The following INVS variants were observed in gnomAD, a reference collection of about 807,000 sequenced individuals.
The protein encoded by INVS is inversion of embryo turning homolog.
A neutral mutation model predicts 108.8 loss-of-function variants in INVS; 86 were observed. The ratio of observed to expected loss-of-function variants is 0.79; its 90% CI spans 0.66 to 0.95. INVS has a LOEUF of 0.95. Among genes scored for constraint, INVS ranks in the 40% least tolerant of loss-of-function variants. The probability of loss-of-function intolerance (pLI) is 0.00; values close to 1 mark genes in which losing one functional copy is unlikely to be tolerated. For synonymous variants in INVS, 455 were observed against 473.5 expected (o/e 0.96, Z 0.51); for missense variants, 1,169 against 1,297.4 (o/e 0.90, Z 1.52).
rs191015967 is a variant in INVS at position 100,133,750 on chromosome 9, A to G, written c.273+7201A>G. Among the ~76,000 whole-genome samples, 37 of 100,862 alleles carry G rather than the reference A, an allele frequency of 3.7e-4. No individual in the cohort carries two copies. In the East Asian group the frequency reaches 0.013, roughly 35 times the overall value. 66.2% of individuals were successfully genotyped at this position (100,862 alleles called of 152,430 possible). A position where few individuals can be genotyped will look rare whatever the true frequency, so the allele number is the denominator to read the frequency against. On this transcript the variant is annotated intron_variant, in intron 3 of 16. Coordinates refer to ENST00000262457, the MANE Select transcript of INVS (RefSeq NM_014425.5). ...ATTCACTCTCGCAAACTATCTGACT[A>G]TATCTGCCAAAGCTACACACACACA...
In INVS at chr9:100,284,535, G is replaced by A. The variant is rs752777047; in HGVS notation, c.2000G>A (p.Gly667Asp). 2.5e-6 allele frequency: 4 copies of A among 1,614,000 alleles called. No homozygotes were observed. Among genetic ancestry groups the A allele is most frequent in the Non-Finnish European group, 3.4e-6 (4 of 1,179,906 alleles). The change falls in exon 13 of 17, where the codon GGC (glycine) becomes GAC (aspartate). Residue 667 changes from glycine to aspartate, a missense_variant. This residue lies in a region of INVS where 533 missense variants were observed against 536.0 expected (regional missense o/e 0.99). Coordinates refer to ENST00000262457, the MANE Select transcript of INVS (RefSeq NM_014425.5). Reference sequence around the variant, plus strand: ...AGAGGATCTCCAGGAGGGTCTCTAGGCGGAGCCCTCCAGAAGGAGCAGCAT... The same window carrying A: ...AGAGGATCTCCAGGAGGGTCTCTAGACGGAGCCCTCCAGAAGGAGCAGCAT... ...DSRGSPGGSLGGALQKEQHVS... is the reference protein window; with the variant it reads ...DSRGSPGGSLDGALQKEQHVS...
At chr9:100,131,269 T>G (rs750640805) in intron 3 of INVS, among the ~76,000 whole-genome samples, 3 of 152,162 alleles carry the variant, frequency 2.0e-5, no homozygotes, top group Admixed American at 6.5e-5. Flanking sequence ...TTATAGAAAG[T>G]CATTACTAAT....
chr9:100,205,012 T>C (rs981580291), intron 3 of INVS, among the ~76,000 whole-genome samples: 2 of 152,204 alleles, frequency 1.3e-5, no homozygotes, highest in African/African-American at 4.8e-5. Flanking sequence ...GAATGCTTCC[T>C]TTCATTGAAG....
At chr9:100,138,063 A>G (rs1368534534) in intron 3 of INVS, among the ~76,000 whole-genome samples, 1 of 152,270 alleles carries the variant, frequency 6.6e-6, no homozygotes, top group Non-Finnish European at 1.5e-5. Flanking sequence ...TGAGAATAAC[A>G]GCAAGTAGGT....
chr9:100,110,340 C>A (rs1471756584), intron 2 of INVS, among the ~76,000 whole-genome samples: 2 of 152,180 alleles, frequency 1.3e-5, no homozygotes, highest in Non-Finnish European at 2.9e-5. Flanking sequence ...GGTTAAGTAA[C>A]TTGTCTAAGA....
At chr9:100,111,143 A>T (rs1354979789) in intron 2 of INVS, among the ~76,000 whole-genome samples, 1 of 152,256 alleles carries the variant, frequency 6.6e-6, no homozygotes, top group Non-Finnish European at 1.5e-5. Flanking sequence ...TAAAGTAAGA[A>T]GTGGGTGAAA....
intron 3 of INVS, among the ~76,000 whole-genome samples, chr9:100,219,832 C>T (rs1427855990): frequency 6.6e-6 from 1 of 151,768 alleles, no homozygotes; most frequent in Non-Finnish European, 1.5e-5. Flanking sequence ...CATGCAAGAC[C>T]ATTTGTACAA....
At chr9:100,191,870 C>T (rs1365814916) in intron 3 of INVS, among the ~76,000 whole-genome samples, 1 of 151,666 alleles carries the variant, frequency 6.6e-6, no homozygotes, top group Non-Finnish European at 1.5e-5. Flanking sequence ...TTTTTTATTC[C>T]CCCTTAAGGA....
chr9:100,286,593 A>C (rs1305315721), intron 13 of INVS, among the ~76,000 whole-genome samples: 1 of 152,206 alleles, frequency 6.6e-6, no homozygotes, highest in Non-Finnish European at 1.5e-5. Flanking sequence ...TAATTCCATA[A>C]TCCACTTTAC....
intron 1 of INVS, among the ~76,000 whole-genome samples, chr9:100,100,937 A>T (rs1324080992): frequency 3.2e-4 from 10 of 31,548 alleles, no homozygotes; most frequent in Non-Finnish European, 3.9e-4. Flanking sequence ...TAATATATAT[A>T]ATATATATAC....
chr9:100,146,830 AATTT>A (rs1828634618), intron 3 of INVS, among the ~76,000 whole-genome samples: 1 of 152,186 alleles, frequency 6.6e-6, no homozygotes, highest in Non-Finnish European at 1.5e-5. Flanking sequence ...TATATACCGC[AATTT>A]ATTTATTCCT....
chr9:100,255,351 C>T (rs1832383399), intron 10 of INVS, among the ~76,000 whole-genome samples: 1 of 152,204 alleles, frequency 6.6e-6, no homozygotes, highest in African/African-American at 2.4e-5. Flanking sequence ...ACAATCATGT[C>T]ATCCGCAAAC....
intron 2 of INVS, chr9:100,117,747 G>A: frequency 1.9e-6 from 1 of 520,704 alleles, no homozygotes; most frequent in Non-Finnish European, 3.4e-6. Flanking sequence ...ATTATGGACT[G>A]AATATTTGTA....
intron 3 of INVS, among the ~76,000 whole-genome samples, chr9:100,182,830 A>G (rs1697929464): frequency 6.6e-6 from 1 of 152,190 alleles, no homozygotes; most frequent in African/African-American, 2.4e-5. Context: ...ACATGCACAC[A>G]TATGTTTATT....
At chr9:100,271,362 T>G (rs549798099) in intron 11 of INVS, among the ~76,000 whole-genome samples, 1 of 152,254 alleles carries the variant, frequency 6.6e-6, no homozygotes, top group Non-Finnish European at 1.5e-5. Flanking sequence ...CTTCATTATA[T>G]GGATGGCCTG....
At chr9:100,135,208 A>G (rs1029006659) in intron 3 of INVS, among the ~76,000 whole-genome samples, 8 of 152,204 alleles carry the variant, frequency 5.3e-5, no homozygotes, top group African/African-American at 1.9e-4. Context: ...GGTAGACATT[A>G]TTTGTAGGGA....
intron 3 of INVS, among the ~76,000 whole-genome samples, chr9:100,179,355 A>C (rs1261922701): frequency 1.3e-5 from 2 of 152,190 alleles, no homozygotes; most frequent in Non-Finnish European, 2.9e-5. Flanking sequence ...AATTGGATAA[A>C]GAGTCAAGAC....
At chr9:100,160,444 A>T (rs571110793) in intron 3 of INVS, among the ~76,000 whole-genome samples, 1 of 152,338 alleles carries the variant, frequency 6.6e-6, no homozygotes, top group South Asian at 2.1e-4. Flanking sequence ...AGCATAGCAG[A>T]TTACCTTTTT....
At chr9:100,220,949 TG>T (rs1401064311) in intron 3 of INVS, among the ~76,000 whole-genome samples, 2 of 146,788 alleles carry the variant, frequency 1.4e-5, no homozygotes, top group South Asian at 4.2e-4. Context: ...GCACTCTAGC[TG>T]GGCAACAGAG....
Sources: allele counts gnomAD v4.1 joint callset (sites outside exome capture counted in the v4.1 genomes callset), GRCh38; gene constraint gnomAD v4.1.1; regional missense constraint gnomAD v4.1.1; transcripts MANE v1.5; gene names NCBI Gene and HGNC (gene_info 2026-07-23, HGNC 2026-07-21).